The following KIFAP3 variants were observed in gnomAD, a reference collection of about 807,000 sequenced individuals.
KIFAP3 encodes the protein kinesin associated protein 3.
A neutral mutation model predicts 106.5 loss-of-function variants in KIFAP3; 68 were observed. That is an observed-to-expected ratio of 0.64 (90% CI 0.53 to 0.78). The LOEUF (loss-of-function observed/expected upper bound fraction) is 0.78. Ranked by LOEUF, KIFAP3 falls within the 30% of genes least tolerant of loss-of-function variation. KIFAP3 has a pLI of 0.00. For synonymous variants in KIFAP3, 320 were observed against 311.5 expected, an observed-to-expected ratio of 1.03 and a Z score of -0.29; for missense variants, 780 against 941.8, an observed-to-expected ratio of 0.83 and a Z score of 2.25.
intron 16 of KIFAP3, among the ~76,000 whole-genome samples, chr1:169,973,105 G>GTATATATATA (rs1553278126): frequency 3.3e-5 from 3 of 90,310 alleles, no homozygotes; most frequent in African/African-American, 1.4e-4. Context: ...AAAATAGTGT[G>GTATATATATA]TATATATATA....
At chr1:169,931,133 T>C (rs1324685107) in intron 19 of KIFAP3, among the ~76,000 whole-genome samples, 1 of 152,060 alleles carries the variant, frequency 6.6e-6, no homozygotes, top group Non-Finnish European at 1.5e-5. Flanking sequence ...TTGTCCAGGC[T>C]AGTCTCGAAC....
At chr1:170,058,995 G>T (rs1209845058) in intron 1 of KIFAP3, among the ~76,000 whole-genome samples, 1 of 152,260 alleles carries the variant, frequency 6.6e-6, no homozygotes, top group East Asian at 1.9e-4. Flanking sequence ...CAAAGAACCA[G>T]AATCTCTGGG....
At chr1:170,038,944 G>T (rs962741378) in intron 4 of KIFAP3, among the ~76,000 whole-genome samples, 1 of 152,212 alleles carries the variant, frequency 6.6e-6, no homozygotes, top group South Asian at 2.1e-4. Context: ...TTAGCTGGGC[G>T]TGGTGGCACA....
At chr1:170,016,708 A>C (rs1263187607) in intron 9 of KIFAP3, 84 bp from the exon 10 acceptor site, 4 of 779,148 alleles carry the variant, frequency 5.1e-6, no homozygotes, top group African/African-American at 1.8e-5. Flanking sequence ...CTTTGTTTTT[A>C]CCCTAATGTA....
At chr1:170,026,574 C>T (rs1669112725) in intron 8 of KIFAP3, among the ~76,000 whole-genome samples, 1 of 152,058 alleles carries the variant, frequency 6.6e-6, no homozygotes. Flanking sequence ...TCCAGAGACG[C>T]CAAAGAGTTC....
At position 169,972,567 on chromosome 1, in the gene KIFAP3, A is replaced by T; in HGVS notation, c.1929T>A (p.His643Gln). 6.4e-7 allele frequency: 1 copy of T among 1,572,274 alleles called. No homozygotes were observed. The highest frequency in any genetic ancestry group is 1.1e-5 in the South Asian group (1 of 89,216). ...QAPAYLIDLMHDKNNEIRKVC... is the reference protein window; with the variant it reads ...QAPAYLIDLMQDKNNEIRKVC... The stretch of plus-strand genomic sequence containing the variant: ...CCTTTCGGATTTCATTATTCTTATC[A>T]TGCATTAGGTCTATGAGATATGCTG... The change falls in exon 17 of 20, where the codon CAT (histidine) becomes CAA (glutamine). Residue 643 changes from histidine (H) to glutamine (Q), a missense_variant. Physicochemically the swap from His to Gln is conservative, Grantham distance 24 (BLOSUM62 0). This residue lies in a region of KIFAP3 where 78 missense variants were observed against 140.6 expected (regional missense o/e 0.55). Coordinates refer to ENST00000361580, the MANE Select transcript of KIFAP3 (RefSeq NM_014970.4).
intron 3 of KIFAP3, among the ~76,000 whole-genome samples, chr1:170,043,413 A>G (rs1023850327): frequency 6.6e-6 from 1 of 152,190 alleles, no homozygotes; most frequent in Non-Finnish European, 1.5e-5. Flanking sequence ...TACCCTGAGA[A>G]AAGGGACTGT....
intron 19 of KIFAP3, among the ~76,000 whole-genome samples, chr1:169,922,441 T>A (rs886948536): frequency 1.3e-5 from 2 of 152,236 alleles, no homozygotes; most frequent in African/African-American, 4.8e-5. Flanking sequence ...AAATTTTGGT[T>A]CAACTTATTC....
intron 19 of KIFAP3, chr1:169,923,166 G>T: frequency 1.3e-6 from 1 of 776,802 alleles, no homozygotes. Flanking sequence ...TGTTGTTTTG[G>T]GGTCCTTCTA....
At chr1:169,938,126 T>C (rs1172277839) in intron 19 of KIFAP3, among the ~76,000 whole-genome samples, 1 of 151,968 alleles carries the variant, frequency 6.6e-6, no homozygotes, top group Non-Finnish European at 1.5e-5. Context: ...TTATAAGAGT[T>C]GCTTTTGAAA....
intron 19 of KIFAP3, among the ~76,000 whole-genome samples, chr1:169,952,237 T>C (rs1664766361): frequency 6.6e-6 from 1 of 152,056 alleles, no homozygotes; most frequent in South Asian, 2.1e-4. Flanking sequence ...CACAAAAGGT[T>C]ATTACATTTC....
intron 3 of KIFAP3, among the ~76,000 whole-genome samples, chr1:170,041,027 G>A (rs1669947917): frequency 6.6e-6 from 1 of 152,026 alleles, no homozygotes; most frequent in Non-Finnish European, 1.5e-5. Context: ...GTTTCACCAT[G>A]TTGGCCAGGA....
intron 1 of KIFAP3, among the ~76,000 whole-genome samples, chr1:170,058,983 C>T (rs1670993118): frequency 6.6e-6 from 1 of 152,070 alleles, no homozygotes. Context: ...AGAACAAAGA[C>T]ACAAAGAACC....
chr1:170,001,966 T>C (rs1232071992), intron 10 of KIFAP3, among the ~76,000 whole-genome samples: 1 of 152,140 alleles, frequency 6.6e-6, no homozygotes, highest in Non-Finnish European at 1.5e-5. Flanking sequence ...AATTTAAAAT[T>C]GTGGAAAAAT....
intron 4 of KIFAP3, among the ~76,000 whole-genome samples, chr1:170,039,007 C>T (rs529447848): frequency 9.9e-5 from 15 of 152,230 alleles, no homozygotes; most frequent in South Asian, 2.1e-4. Context: ...CGCTTGAACC[C>T]GGGAGGCGGA....
rs74125308 is a variant in KIFAP3 at position 169,989,862 on chromosome 1, A to T, written c.1284+2293T>A. On this transcript the variant is annotated intron_variant, in intron 11 of 19. Coordinates refer to ENST00000361580, the MANE Select transcript of KIFAP3 (RefSeq NM_014970.4). Reference sequence around the variant, plus strand: ...TATTTAATTTGGAATGAATGAAAGAACAGTCAATTAGAATTAATAAAAAGT... The same window carrying T: ...TATTTAATTTGGAATGAATGAAAGATCAGTCAATTAGAATTAATAAAAAGT... 6.3e-3 allele frequency among the ~76,000 whole-genome samples: 954 copies of T among 152,250 alleles called. 9 individuals are homozygous for T. Among genetic ancestry groups the T allele is most frequent in the African/African-American group, 0.022 (909 of 41,578 alleles).
At chr1:170,037,259 T>C (rs1333361942) in intron 5 of KIFAP3, among the ~76,000 whole-genome samples, 2 of 152,188 alleles carry the variant, frequency 1.3e-5, no homozygotes, top group Non-Finnish European at 2.9e-5. Context: ...GAAAAGACAT[T>C]TGAAATACTT....
At chr1:169,923,913 T>G (rs1662973410) in intron 19 of KIFAP3, among the ~76,000 whole-genome samples, 1 of 152,158 alleles carries the variant, frequency 6.6e-6, no homozygotes. Context: ...TTTTTGCAGT[T>G]TGGTCCTCAA....
rs544825565 is a variant in KIFAP3 at position 170,047,492 on chromosome 1, G to A, written c.165-626C>T. 6.1e-4 allele frequency among the ~76,000 whole-genome samples: 93 copies of A among 151,662 alleles called. 1 individual carries two copies. The highest frequency in any genetic ancestry group is 7.4e-4 in the Non-Finnish European group (50 of 67,882). On this transcript the variant is annotated intron_variant, in intron 2 of 19. Transcript: ENST00000361580. ...AAAAATTTGCCAGGTGTGGTGGTGC[G>A]CGCCTGTAATCCCAGCTACTCGGGA...
Sources: allele counts gnomAD v4.1 joint callset (sites outside exome capture counted in the v4.1 genomes callset), GRCh38; gene constraint gnomAD v4.1.1; regional missense constraint gnomAD v4.1.1; transcripts MANE v1.5; gene names NCBI Gene and HGNC (gene_info 2026-07-23, HGNC 2026-07-21).